The following XYLT1 variants were observed in gnomAD, a reference collection of about 807,000 sequenced individuals.
XYLT1 encodes beta-D-xylosyltransferase 1.
A neutral mutation model predicts 91.3 loss-of-function variants in XYLT1; 36 were observed. That is an observed-to-expected ratio of 0.39 (90% confidence interval 0.30 to 0.52). XYLT1 has a LOEUF of 0.52. XYLT1 is among the 20% of genes least tolerant of loss of function. XYLT1 has a pLI of 0.68. For missense variants in XYLT1, 1,242 were observed against 1,284.5 expected, an observed-to-expected ratio of 0.97 and a Z score of 0.51; for synonymous variants, 588 against 532.0, an observed-to-expected ratio of 1.11 and a Z score of -1.45.
At chr16:17,435,265 A>C (rs2036442123) in intron 1 of XYLT1, among the ~76,000 whole-genome samples, 1 of 152,196 alleles carries the variant, frequency 6.6e-6, no homozygotes, top group Non-Finnish European at 1.5e-5. Context: ...CTGACTTTTC[A>C]CATAAATAGA....
intron 4 of XYLT1, 75 bp from the exon 5 acceptor site, chr16:17,198,489 C>T: frequency 6.9e-7 from 1 of 1,449,652 alleles, no homozygotes; most frequent in Non-Finnish European, 9.4e-7. Flanking sequence ...ACCCCTGTCC[C>T]CTCTCTGTGT....
chr16:17,253,325 A>C (rs1313084748), intron 3 of XYLT1, among the ~76,000 whole-genome samples: 1 of 152,120 alleles, frequency 6.6e-6, no homozygotes, highest in Admixed American at 6.5e-5. Context: ...AATGGCTTTT[A>C]AATGCCAATC....
intron 1 of XYLT1, among the ~76,000 whole-genome samples, chr16:17,372,377 C>T (rs923141633): frequency 6.6e-6 from 1 of 152,188 alleles, no homozygotes; most frequent in Admixed American, 6.5e-5. Flanking sequence ...TAAGACCTTG[C>T]TTTCAGCAGG....
At chr16:17,340,556 G>A (rs529132022) in intron 2 of XYLT1, among the ~76,000 whole-genome samples, 12 of 152,332 alleles carry the variant, frequency 7.9e-5, no homozygotes, top group Admixed American at 6.5e-4. Flanking sequence ...TGCACAGAAT[G>A]GTAGTTAAGA....
chr16:17,286,539 G>A (rs1331857265), intron 2 of XYLT1, among the ~76,000 whole-genome samples: 1 of 152,168 alleles, frequency 6.6e-6, no homozygotes, highest in African/African-American at 2.4e-5. Context: ...GATCAACACA[G>A]CACTAAAATT....
chr16:17,150,360 A>G (rs2031252513), intron 6 of XYLT1, among the ~76,000 whole-genome samples: 1 of 152,216 alleles, frequency 6.6e-6, no homozygotes, highest in African/African-American at 2.4e-5. Flanking sequence ...CTTTAGCAGC[A>G]CTAGAGAGCA....
intron 3 of XYLT1, among the ~76,000 whole-genome samples, chr16:17,251,622 C>T (rs1190904197): frequency 6.6e-6 from 1 of 152,208 alleles, no homozygotes; most frequent in Non-Finnish European, 1.5e-5. Flanking sequence ...GCCGTGAGGG[C>T]CACTGCACGG....
intron 2 of XYLT1, among the ~76,000 whole-genome samples, chr16:17,293,355 C>A (rs2034258674): frequency 6.6e-6 from 1 of 152,116 alleles, no homozygotes; most frequent in Non-Finnish European, 1.5e-5. Flanking sequence ...ATGGAACTTC[C>A]ACTTAGCATA....
At chr16:17,330,814 A>T (rs970035500) in intron 2 of XYLT1, among the ~76,000 whole-genome samples, 1 of 151,706 alleles carries the variant, frequency 6.6e-6, no homozygotes, top group African/African-American at 2.4e-5. Context: ...AAAAGAAAAG[A>T]AAAGAAAATG....
intron 9 of XYLT1, among the ~76,000 whole-genome samples, chr16:17,130,111 G>A (rs2030414188): frequency 1.3e-5 from 2 of 152,232 alleles, no homozygotes; most frequent in African/African-American, 2.4e-5. Context: ...GCAGAGCTAC[G>A]CCAGTTGTCC....
At chr16:17,185,988 ACT>A (rs1326695068) in intron 5 of XYLT1, among the ~76,000 whole-genome samples, 1 of 151,986 alleles carries the variant, frequency 6.6e-6, no homozygotes, top group East Asian at 1.9e-4. Flanking sequence ...CAGAGTGAAG[ACT>A]CTATCTCAAA....
chr16:17,106,055 A>T lies in XYLT1; in HGVS notation c.*2640T>A, dbSNP rs1966769556. The T allele has an allele frequency of 6.6e-6, 1 of 152,200 alleles. No individual in the cohort carries two copies. Among genetic ancestry groups the T allele is most frequent in the Non-Finnish European group, 1.5e-5 (1 of 68,044 alleles). 9.4% of individuals were successfully genotyped at this position (152,200 alleles called of 1,614,324 possible). ...TCAGCTCCCCGAATTAGTTGTGGTG[A>T]GGAAGAAATGAAGCCATGGGAAAAA... is the stretch of plus-strand genomic sequence containing the variant. On this transcript the variant is annotated 3_prime_UTR_variant, in exon 12 of 12. Transcript: ENST00000261381.
At chr16:17,304,739 C>A (rs984442670) in intron 2 of XYLT1, among the ~76,000 whole-genome samples, 1 of 152,090 alleles carries the variant, frequency 6.6e-6, no homozygotes, top group Non-Finnish European at 1.5e-5. Context: ...CCAGTTACTT[C>A]TTTGCCCACG....
chr16:17,179,884 C>A (rs913717571), intron 5 of XYLT1, among the ~76,000 whole-genome samples: 2 of 152,212 alleles, frequency 1.3e-5, no homozygotes, highest in Non-Finnish European at 1.5e-5. Flanking sequence ...GACTCGCCTG[C>A]ATTTCTCTTT....
chr16:17,315,672 G>A (rs183048384), intron 2 of XYLT1, among the ~76,000 whole-genome samples: 18 of 152,250 alleles, frequency 1.2e-4, no homozygotes, highest in African/African-American at 3.6e-4. Context: ...AAATTATGGC[G>A]AACAAATGGA....
intron 2 of XYLT1, among the ~76,000 whole-genome samples, chr16:17,321,509 C>T (rs980693962): frequency 6.6e-6 from 1 of 151,762 alleles, no homozygotes; most frequent in African/African-American, 2.4e-5. Flanking sequence ...AGGAATGCAC[C>T]ACCACGCTCT....
At chr16:17,176,913 T>G (rs1192520595) in intron 5 of XYLT1, among the ~76,000 whole-genome samples, 2 of 151,996 alleles carry the variant, frequency 1.3e-5, no homozygotes, top group Non-Finnish European at 2.9e-5. Flanking sequence ...CATGGCATTT[T>G]CTAATAGAAA....
At chr16:17,423,729 C>T (rs1201163965) in intron 1 of XYLT1, among the ~76,000 whole-genome samples, 13 of 152,116 alleles carry the variant, frequency 8.5e-5, no homozygotes, top group Admixed American at 1.3e-4. Context: ...GATTCTCCTG[C>T]TTCAGTCTCC....
chr16:17,167,048 C>T (rs146497145), intron 5 of XYLT1, among the ~76,000 whole-genome samples: 84 of 152,344 alleles, frequency 5.5e-4, no homozygotes, highest in African/African-American at 1.8e-3. Context: ...AGGAGGTACT[C>T]ATTTGCGGAT....
Sources: allele counts gnomAD v4.1 joint callset (sites outside exome capture counted in the v4.1 genomes callset), GRCh38; gene constraint gnomAD v4.1.1; transcripts MANE v1.5; gene names NCBI Gene and HGNC (gene_info 2026-07-23, HGNC 2026-07-21).